USP20: variants seen among roughly 807,000 people sequenced by gnomAD.
USP20 encodes ubiquitin carboxyl-terminal hydrolase 20.
In USP20, 80 loss-of-function variants were observed where a neutral mutation model predicts 124.2. The observed-to-expected ratio is 0.64, with a 90% CI of 0.54 to 0.78. The LOEUF (loss-of-function observed/expected upper bound fraction) is 0.78, where lower values mean the gene tolerates loss of function less well. Among genes scored for constraint, USP20 ranks in the 30% least tolerant of loss-of-function variants. The pLI, the probability that USP20 is intolerant of heterozygous loss-of-function variation, is 0.00. For synonymous variants in USP20, 481 were observed against 512.3 expected, an observed-to-expected ratio of 0.94 and a Z score of 0.83; for missense variants, 1,043 against 1,244.4, an observed-to-expected ratio of 0.84 and a Z score of 2.44.
At chr9:129,869,284 G>T (rs1456929934) in intron 12 of USP20, 26 bp from the exon 13 acceptor site, 2 of 1,602,320 alleles carry the variant, frequency 1.2e-6, no homozygotes, top group Non-Finnish European at 1.7e-6. Context: ...GGTGGAGGCT[G>T]GGCTAGTCCT....
At position 129,880,808 on chromosome 9, in the gene USP20, G is replaced by A. The variant is rs1462353692; in HGVS notation, c.*358G>A. The A allele has an allele frequency of 2.5e-5, 4 of 159,058 alleles. No individual in the cohort carries two copies. The highest frequency in any genetic ancestry group is 5.6e-5 in the Non-Finnish European group (4 of 71,462). 9.9% of individuals were successfully genotyped at this position (159,058 alleles called of 1,614,324 possible). A position where few individuals can be genotyped will look rare whatever the true frequency, so the allele number is the denominator to read the frequency against. On this transcript the variant is annotated 3_prime_UTR_variant, in exon 26 of 26. Coordinates refer to ENST00000372429, the MANE Select transcript of USP20 (RefSeq NM_001110303.4). ...AGTCAGGGAGTAGCTGCTGCTTCAC[G>A]GCGTCTCCACTGTGCGATTGGCCCG...
rs1408828381 is a variant in USP20 at position 129,875,582 on chromosome 9, C to T, written c.2241C>T (p.His747=). The change falls in exon 21 of 26, where the codon CAC becomes CAT. Residue 747 remains histidine (H), a synonymous_variant. Coordinates refer to ENST00000372429, the MANE Select transcript of USP20 (RefSeq NM_001110303.4). ...SHGGIPPHKY[H]YIDDLVVILP... ...CAGGCATCCCGCCCCACAAATACCA[C>T]TACATCGACGACCTGGTGGTCATCC... is the stretch of plus-strand genomic sequence containing the variant. 1 of 1,614,138 alleles carries T rather than the reference C, an allele frequency of 6.2e-7. No homozygotes were observed. The highest frequency in any genetic ancestry group is 1.1e-5 in the South Asian group (1 of 91,084).
At chr9:129,872,708 T>C (rs2034183437) in intron 15 of USP20, among the ~76,000 whole-genome samples, 1 of 152,130 alleles carries the variant, frequency 6.6e-6, no homozygotes. Flanking sequence ...ACAGTGTGCA[T>C]GGAGGGGGAA....
Position 129,849,911 on chromosome 9 carries a change from C to T in USP20, c.-30C>T, listed in dbSNP as rs1442400209. On this transcript the variant is annotated 5_prime_UTR_variant, in exon 2 of 26. Coordinates refer to ENST00000372429, the MANE Select transcript of USP20 (RefSeq NM_001110303.4). ...AATGCTGGCCGCTTCCTGTGGGCTT[C>T]GTGTCACCCAGAGGTAAGCCCATGG... The T allele has an allele frequency of 2.6e-5, 4 of 152,166 alleles. No individual in the cohort carries two copies. The highest frequency in any genetic ancestry group is 4.1e-4 in the South Asian group (2 of 4,820). The allele number at this position is 152,166 out of a possible 1,614,324, so 9.4% of individuals were successfully genotyped here.
chr9:129,861,798 C>T (rs907995019), intron 8 of USP20, among the ~76,000 whole-genome samples, 186 bp downstream of exon 8: 5 of 152,140 alleles, frequency 3.3e-5, no homozygotes, highest in African/African-American at 7.2e-5. Flanking sequence ...AGGAGATAAC[C>T]GGAGATGCTG....
chr9:129,846,212 A>G (rs1407586246), intron 1 of USP20, among the ~76,000 whole-genome samples: 2 of 132,624 alleles, frequency 1.5e-5, no homozygotes, highest in Non-Finnish European at 3.1e-5. Flanking sequence ...TACAGTCGTG[A>G]GCCACTGCGC....
chr9:129,852,933 G>A (rs1349281971), intron 3 of USP20, among the ~76,000 whole-genome samples: 1 of 152,196 alleles, frequency 6.6e-6, no homozygotes, highest in Non-Finnish European at 1.5e-5. Context: ...TGCTTTCCAA[G>A]TTCAGGAGCG....
intron 6 of USP20, 49 bp from the exon 7 acceptor site, chr9:129,860,888 C>T (rs1241814993): frequency 6.3e-7 from 1 of 1,592,556 alleles, no homozygotes; most frequent in Admixed American, 1.7e-5. Flanking sequence ...GGGCCTCTGA[C>T]CCCAGCCCCT....
intron 2 of USP20, among the ~76,000 whole-genome samples, chr9:129,852,000 AG>A (rs112071547): frequency 0.15 from 22,615 of 152,066 alleles, 2,241 homozygotes; most frequent in African/African-American, 0.27. Flanking sequence ...CTCACTCCGC[AG>A]GGGGCTCCCA....
chr9:129,858,487 C>T lies in USP20; in HGVS notation c.219C>T (p.Thr73=), dbSNP rs752011584. Reference sequence around the variant, plus strand: ...TCTAGGCAAAAAAGCACAACTTGACCGTGAACCTGACCACGTTCCGACTGT... The same window carrying T: ...TCTAGGCAAAAAAGCACAACTTGACTGTGAACCTGACCACGTTCCGACTGT... The part of the protein sequence containing the change: ...IHAQAKKHNL[T]VNLTTFRLWC... The change falls in exon 6 of 26, where the codon ACC becomes ACT. Residue 73 remains threonine (T), a synonymous_variant. Transcript: ENST00000372429. 1.5e-5 allele frequency: 24 copies of T among 1,614,040 alleles called. No individual in the cohort carries two copies. Among genetic ancestry groups the T allele is most frequent in the East Asian group, 1.3e-4 (6 of 44,894 alleles).
chr9:129,861,290 C>A (rs1250192553), intron 7 of USP20, among the ~76,000 whole-genome samples: 1 of 152,186 alleles, frequency 6.6e-6, no homozygotes, highest in African/African-American at 2.4e-5. Context: ...GCTGTATGGT[C>A]TGGACAGTGG....
At chr9:129,855,916 C>G (rs1347479592) in intron 3 of USP20, among the ~76,000 whole-genome samples, 1 of 152,210 alleles carries the variant, frequency 6.6e-6, no homozygotes, top group South Asian at 2.1e-4. Context: ...ATCCCTCTTT[C>G]ATGGCGCCCT....
rs915246892 is a variant in USP20, at chr9:129,839,791, T to C, written c.-129+4292T>C. ...CCAGAACCTCTGGGAAAACAATGAG[T>C]AACAGGCACCAGAGGCAGCCAGGTC... is the stretch of plus-strand genomic sequence containing the variant. On this transcript the variant is annotated intron_variant, in intron 1 of 25. Transcript: ENST00000372429. The surrounding 1 kb of genome is among the most constrained non-coding windows in gnomAD (Gnocchi z 4.5). Among the ~76,000 whole-genome samples the C allele has an allele frequency of 6.6e-6, 1 of 151,804 alleles. No individual in the cohort carries two copies. The highest frequency in any genetic ancestry group is 1.5e-5 in the Non-Finnish European group (1 of 67,932).
chr9:129,865,206 C>A, intron 9 of USP20, 97 bp from the exon 10 acceptor site: 1 of 1,333,326 alleles, frequency 7.5e-7, no homozygotes, highest in Non-Finnish European at 1.1e-6. Flanking sequence ...GGAAACGCCA[C>A]ACTCTGATCC....
intron 22 of USP20, 141 bp downstream of exon 22, chr9:129,876,379 C>A: frequency 1.5e-6 from 1 of 675,800 alleles, no homozygotes; most frequent in Non-Finnish European, 2.6e-6. Context: ...TGGCTCACAC[C>A]TGTAATCCCA....
rs1175252868 is a variant in USP20, at chr9:129,879,615, A to G, written c.2555A>G (p.Lys852Arg). 1 of 1,613,862 alleles carries G rather than the reference A, an allele frequency of 6.2e-7. No individual in the cohort carries two copies. Among genetic ancestry groups the G allele is most frequent in the Admixed American group, 1.7e-5 (1 of 59,998 alleles). ...GACAACAGCAGGATTGCACAGGTCA[A>G]AGGAAGCGGCCATGTCCAGCTGAAG... is the stretch of plus-strand genomic sequence containing the variant. ...PIDNSRIAQV[K>R]GSGHVQLKQG... The change falls in exon 24 of 26, where the codon AAA becomes AGA. Residue 852 changes from lysine to arginine, a missense_variant. Physicochemically the swap from Lys to Arg is conservative, Grantham distance 26. Transcript: ENST00000372429. The surrounding 1 kb of genome is among the most constrained non-coding windows in gnomAD (Gnocchi z 4.2).
intron 9 of USP20, among the ~76,000 whole-genome samples, chr9:129,864,875 G>T (rs1198827921): frequency 1.3e-5 from 2 of 151,764 alleles, no homozygotes; most frequent in Non-Finnish European, 2.9e-5. Context: ...ATATGCATCT[G>T]TAGTTTCACA....
In USP20 at chr9:129,873,473, C is replaced by T; in HGVS notation, c.1661-9C>T. 1 of 1,614,194 alleles carries T rather than the reference C, an allele frequency of 6.2e-7. No individual in the cohort carries two copies. Among genetic ancestry groups the T allele is most frequent in the Non-Finnish European group, 8.5e-7 (1 of 1,180,012 alleles). ...TGCTAACCTCTGACCCTTTGTTTTA[C>T]TGCCCTAGGTGACAACATGTACAGC... On this transcript the variant is annotated splice_polypyrimidine_tract_variant and intron_variant, in intron 15 of 25. Coordinates refer to ENST00000372429, the MANE Select transcript of USP20 (RefSeq NM_001110303.4).
chr9:129,858,351 G>A, intron 5 of USP20, 116 bp from the exon 6 acceptor site: 1 of 1,488,448 alleles, frequency 6.7e-7, no homozygotes, highest in Non-Finnish European at 9.2e-7. Context: ...TGAGCTTCCG[G>A]CCTCTGTCCT....
Sources: gnomAD v4.1 joint callset for allele counts (sites outside exome capture counted in the v4.1 genomes callset) on GRCh38, gnomAD v4.1.1 for gene constraint, Gnocchi (gnomAD v3.1) non-coding constraint, MANE v1.5 for transcripts, NCBI Gene and HGNC (gene_info 2026-07-23, HGNC 2026-07-21) for gene names.